Variants in GMDS observed in about 807,000 individuals in gnomAD.
The protein encoded by GMDS is GDP-mannose 4,6-dehydratase, also known as GDP-mannose 4,6 dehydratase.
GMDS carries 20 observed loss-of-function variants against 49.9 expected under a neutral mutation model. The ratio of observed to expected loss-of-function variants is 0.40; its 90% CI spans 0.28 to 0.58. GMDS has a LOEUF of 0.58. Among genes scored for constraint, GMDS ranks in the 20% least tolerant of loss-of-function variants. The pLI is 0.42. For missense variants in GMDS, 362 were observed against 481.4 expected (o/e 0.75, Z 2.32); for synonymous variants, 177 against 178.6 (o/e 0.99, Z 0.07).
In GMDS at chr6:1,880,958, A is replaced by C. The variant is rs571351797; in HGVS notation, c.771+49145T>G. Among the ~76,000 whole-genome samples the C allele has an allele frequency of 3.3e-5, 5 of 152,348 alleles. No individual in the cohort carries two copies. In the South Asian group the frequency reaches 1.0e-3, roughly 32 times the overall value. ...AAAGAAGGGTATGAATTGTTGATGAAATATTAAAGTAGAAATCCAGGATAA... is the reference window on the plus strand; with the variant it reads ...AAAGAAGGGTATGAATTGTTGATGACATATTAAAGTAGAAATCCAGGATAA... On this transcript the variant is annotated intron_variant, in intron 7 of 10. Coordinates refer to ENST00000380815, the MANE Select transcript of GMDS (RefSeq NM_001500.4).
intron 9 of GMDS, 99 bp downstream of exon 9, chr6:1,726,317 C>T: frequency 1.3e-6 from 1 of 784,690 alleles, no homozygotes. Flanking sequence ...GGGAGCTGAA[C>T]TGACAGCTCC....
chr6:1,892,290 A>C (rs1178029133), intron 7 of GMDS, among the ~76,000 whole-genome samples: 1 of 152,174 alleles, frequency 6.6e-6, no homozygotes, highest in Non-Finnish European at 1.5e-5. Context: ...GGAATCTGGA[A>C]TCTGCCTGTC....
Position 1,864,428 on chromosome 6 carries a change from A to T in GMDS, c.771+65675T>A, listed in dbSNP as rs181846989. On this transcript the variant is annotated intron_variant, in intron 7 of 10. Transcript: ENST00000380815. ...CTATTTATTTTCACAATAAATAAAA[A>T]ATGTTAACTAGAGATTTATATGATC... is the stretch of plus-strand genomic sequence containing the variant. Among the ~76,000 whole-genome samples, 427 of 152,346 alleles carry T rather than the reference A, an allele frequency of 2.8e-3. 2 individuals are homozygous for T. The highest frequency in any genetic ancestry group is 2.5e-3 in the Admixed American group (39 of 15,306).
At chr6:2,170,470 A>C (rs1236180554) in intron 1 of GMDS, among the ~76,000 whole-genome samples, 4 of 151,944 alleles carry the variant, frequency 2.6e-5, no homozygotes, top group African/African-American at 7.2e-5. Context: ...TACAGAAAAA[A>C]ATAAAAATTA....
chr6:2,078,514 C>T (rs1304714745), intron 4 of GMDS, among the ~76,000 whole-genome samples: 1 of 151,986 alleles, frequency 6.6e-6, no homozygotes, highest in Non-Finnish European at 1.5e-5. Context: ...TTCTTAATTT[C>T]TTAATTGATC....
Position 1,980,129 on chromosome 6 carries a change from C to G in GMDS, c.346-19163G>C, listed in dbSNP as rs553507357. On this transcript the variant is annotated intron_variant, in intron 4 of 10. Coordinates refer to ENST00000380815, the MANE Select transcript of GMDS (RefSeq NM_001500.4). ...ACAGACCAGTGACACTATGAAGTAACCACATAAACAAGTCTGCACAATAAC... is the reference window on the plus strand; with the variant it reads ...ACAGACCAGTGACACTATGAAGTAAGCACATAAACAAGTCTGCACAATAAC... Among the ~76,000 whole-genome samples the G allele has an allele frequency of 3.9e-5, 6 of 152,204 alleles. 1 individual carries two copies. In the East Asian group the frequency reaches 1.2e-3, roughly 29 times the overall value.
At chr6:2,045,405 T>G (rs1769940634) in intron 4 of GMDS, among the ~76,000 whole-genome samples, 1 of 152,038 alleles carries the variant, frequency 6.6e-6, no homozygotes, top group Non-Finnish European at 1.5e-5. Context: ...TTCTTTTTTT[T>G]TTCCTGAGAA....
chr6:1,792,886 T>C (rs371714513), intron 7 of GMDS, among the ~76,000 whole-genome samples: 25 of 152,292 alleles, frequency 1.6e-4, no homozygotes, highest in African/African-American at 5.8e-4. Flanking sequence ...GTGTGGGTCT[T>C]TGTTCATCCA....
chr6:1,624,702 G>GGC, intron 9 of GMDS, 162 bp from the exon 10 acceptor site: 2 of 616,810 alleles, frequency 3.2e-6, no homozygotes, highest in South Asian at 3.9e-5. Flanking sequence ...TGCGGCTCTC[G>GGC]GCGCCGTAAA....
chr6:2,028,615 G>C (rs984739103), intron 4 of GMDS, among the ~76,000 whole-genome samples: 1 of 152,166 alleles, frequency 6.6e-6, no homozygotes, highest in Admixed American at 6.5e-5. Flanking sequence ...GCACATCTCA[G>C]CAGAGGAAGG....
chr6:1,777,624 G>A (rs1400074347), intron 7 of GMDS, among the ~76,000 whole-genome samples: 3 of 152,202 alleles, frequency 2.0e-5, no homozygotes, highest in African/African-American at 2.4e-5. Context: ...TGTTGAACAC[G>A]TCTCTGCTCC....
chr6:2,063,734 A>G (rs143170064), intron 4 of GMDS, among the ~76,000 whole-genome samples: 2 of 152,310 alleles, frequency 1.3e-5, no homozygotes, highest in African/African-American at 2.4e-5. Flanking sequence ...GTGGAGCCCA[A>G]GGTCTCGGCA....
intron 9 of GMDS, among the ~76,000 whole-genome samples, chr6:1,645,081 A>G (rs982581709): frequency 6.6e-5 from 10 of 151,992 alleles, no homozygotes; most frequent in Non-Finnish European, 1.2e-4. Context: ...GATTACAGGC[A>G]TGTGCCACCA....
chr6:2,194,245 A>T (rs1182729490), intron 1 of GMDS, among the ~76,000 whole-genome samples: 1 of 152,160 alleles, frequency 6.6e-6, no homozygotes, highest in African/African-American at 2.4e-5. Context: ...CTTGAGTTCA[A>T]GGTTAATTTT....
At chr6:2,060,811 C>T (rs1042992169) in intron 4 of GMDS, among the ~76,000 whole-genome samples, 3 of 151,914 alleles carry the variant, frequency 2.0e-5, no homozygotes, top group East Asian at 1.9e-4. Context: ...GGGTGGATCA[C>T]GAGATCAAGA....
chr6:2,173,718 C>T (rs574375291), intron 1 of GMDS, among the ~76,000 whole-genome samples: 94 of 152,276 alleles, frequency 6.2e-4, no homozygotes, highest in East Asian at 1.9e-3. Context: ...AAGGAAAATA[C>T]CCAGGCTTCT....
chr6:2,142,059 C>T (rs551296855), intron 1 of GMDS, among the ~76,000 whole-genome samples: 2 of 152,062 alleles, frequency 1.3e-5, no homozygotes, highest in African/African-American at 2.4e-5. Flanking sequence ...TTTTCTTATA[C>T]GGGGGAGGTA....
chr6:2,070,742 T>C (rs1052194770), intron 4 of GMDS, among the ~76,000 whole-genome samples: 3 of 152,158 alleles, frequency 2.0e-5, no homozygotes, highest in Non-Finnish European at 2.9e-5. Context: ...TCCTCACCCA[T>C]GGCTCCTAAG....
chr6:1,988,550 T>C (rs1055876804), intron 4 of GMDS, among the ~76,000 whole-genome samples: 1 of 152,060 alleles, frequency 6.6e-6, no homozygotes, highest in Non-Finnish European at 1.5e-5. Flanking sequence ...CAACTGCACG[T>C]TCTTCCCGGT....
Sources: gnomAD v4.1 joint callset for allele counts (sites outside exome capture counted in the v4.1 genomes callset) on GRCh38, gnomAD v4.1.1 for gene constraint, MANE v1.5 for transcripts, NCBI Gene and HGNC (gene_info 2026-07-23, HGNC 2026-07-21) for gene names.